The following MED13L variants were observed in gnomAD, a reference collection of about 807,000 sequenced individuals.
The protein encoded by MED13L is mediator complex subunit 13L.
MED13L carries 7 observed loss-of-function variants against 220.9 expected under a neutral mutation model. The ratio of observed to expected loss-of-function variants is 0.03; its 90% CI spans 0.02 to 0.06. The LOEUF (loss-of-function observed/expected upper bound fraction) is 0.06, where lower values mean the gene tolerates loss of function less well. MED13L is among the 10% of genes least tolerant of loss of function. MED13L has a pLI of 1.00. For synonymous variants in MED13L, 1,011 were observed against 1,015.2 expected (o/e 1.00, Z 0.08); for missense variants, 1,965 against 2,760.5 (o/e 0.71, Z 6.46).
intron 14 of MED13L, 99 bp downstream of exon 14, chr12:116,002,904 G>T: frequency 9.7e-7 from 1 of 1,034,970 alleles, no homozygotes; most frequent in Non-Finnish European, 1.5e-6. Flanking sequence ...AAAAGGAAGG[G>T]AAATTTCAGA....
intron 4 of MED13L, among the ~76,000 whole-genome samples, chr12:116,043,410 G>A (rs1450997049): frequency 1.3e-5 from 2 of 152,106 alleles, no homozygotes; most frequent in African/African-American, 2.4e-5. Context: ...ACTCCTCTCC[G>A]AATAATTTAG....
chr12:116,018,051 A>T (rs1379870875), intron 7 of MED13L, among the ~76,000 whole-genome samples: 1 of 152,028 alleles, frequency 6.6e-6, no homozygotes, highest in Non-Finnish European at 1.5e-5. Context: ...TGTGTGCTAA[A>T]CTTCGAGTTT....
At chr12:116,151,751 G>C (rs553437500) in intron 2 of MED13L, among the ~76,000 whole-genome samples, 57 of 152,232 alleles carry the variant, frequency 3.7e-4, no homozygotes, top group African/African-American at 1.3e-3. Flanking sequence ...CCTTCCTAAG[G>C]GTGAAAGTCA....
rs186723318 is a variant in MED13L at position 116,007,929 on chromosome 12, C to T, written c.2013-293G>A. The T allele has an allele frequency of 1.0e-3, 432 of 422,510 alleles. 2 individuals are homozygous for T. Among genetic ancestry groups the T allele is most frequent in the Middle Eastern group, 4.9e-3 (7 of 1,440 alleles). The allele number at this position is 422,510 out of a possible 1,614,324, so 26.2% of individuals were successfully genotyped here. A position where few individuals can be genotyped will look rare whatever the true frequency, so the allele number is the denominator to read the frequency against. On this transcript the variant is annotated intron_variant, in intron 10 of 30. Transcript: ENST00000281928. ...CCTAGTTTCTCAGTTATAAAATTAA[C>T]GTAATAATATGGTACAGTGAAGATT...
At chr12:116,200,747 A>C (rs771638325) in intron 2 of MED13L, among the ~76,000 whole-genome samples, 2 of 152,240 alleles carry the variant, frequency 1.3e-5, no homozygotes, top group African/African-American at 2.4e-5. Context: ...TTTAATCAAT[A>C]AATTTGAATT....
At chr12:116,146,731 G>C (rs888233974) in intron 2 of MED13L, among the ~76,000 whole-genome samples, 3 of 151,970 alleles carry the variant, frequency 2.0e-5, no homozygotes, top group African/African-American at 7.2e-5. Context: ...AGTTGAGCAT[G>C]GTGGTCCACA....
At chr12:116,006,160 G>A (rs1169621131) in intron 12 of MED13L, 146 bp downstream of exon 12, 3 of 1,271,446 alleles carry the variant, frequency 2.4e-6, no homozygotes, top group African/African-American at 3.0e-5. Context: ...AGTTTTGAAA[G>A]GAACTGAAAA....
At position 116,008,792 on chromosome 12, in the gene MED13L, T is replaced by A; in HGVS notation, c.1621A>T (p.Asn541Tyr). The A allele has an allele frequency of 6.2e-7, 1 of 1,614,022 alleles. No individual in the cohort carries two copies. Among genetic ancestry groups the A allele is most frequent in the East Asian group, 2.2e-5 (1 of 44,838 alleles). ...VPSRNTSKQM[N>Y]LNPMDSPHSP... ...TGAGGTGAATCCATAGGATTCAGAT[T>A]CATTTGCTTGCTTGTATTTCTGGAA... Residue 541 changes from asparagine to tyrosine, a missense_variant, in exon 10 of 31, where the codon AAT (asparagine) becomes TAT (tyrosine). Around this residue, in one of 10 missense-constraint regions of MED13L, gnomAD observed 818 missense variants for 1,041.2 expected, o/e 0.79. Transcript: ENST00000281928.
At chr12:116,092,215 T>A (rs1176254640) in intron 4 of MED13L, among the ~76,000 whole-genome samples, 1 of 152,200 alleles carries the variant, frequency 6.6e-6, no homozygotes, top group African/African-American at 2.4e-5. Context: ...TAGCTACTGA[T>A]CTCATTTTTC....
chr12:116,251,395 C>G (rs1194277584), intron 1 of MED13L, among the ~76,000 whole-genome samples: 1 of 133,558 alleles, frequency 7.5e-6, no homozygotes, highest in Non-Finnish European at 1.6e-5. Context: ...CTCCTGACCT[C>G]GTGATCCACC....
At chr12:116,274,966 A>G (rs956928691) in intron 1 of MED13L, among the ~76,000 whole-genome samples, 31 of 151,630 alleles carry the variant, frequency 2.0e-4, no homozygotes, top group African/African-American at 7.5e-4. Context: ...TTATCTCTGT[A>G]ACGTTATCAT....
intron 3 of MED13L, among the ~76,000 whole-genome samples, chr12:116,102,325 C>T (rs868196762): frequency 1.3e-5 from 2 of 152,214 alleles, no homozygotes; most frequent in African/African-American, 4.8e-5. Flanking sequence ...GAAGCCATTT[C>T]CCAGATGAGA....
intron 2 of MED13L, among the ~76,000 whole-genome samples, chr12:116,216,930 A>T (rs1288308249): frequency 6.6e-6 from 1 of 152,198 alleles, no homozygotes; most frequent in Non-Finnish European, 1.5e-5. Context: ...TATGGCAGCA[A>T]AGTTATTAAG....
At chr12:116,225,086 T>C (rs1406552012) in intron 2 of MED13L, among the ~76,000 whole-genome samples, 1 of 152,192 alleles carries the variant, frequency 6.6e-6, no homozygotes, top group East Asian at 1.9e-4. Context: ...TAATTCTAAA[T>C]GTGTGGGCAA....
chr12:116,213,661 C>T (rs1194096904), intron 2 of MED13L, among the ~76,000 whole-genome samples: 8 of 152,192 alleles, frequency 5.3e-5, no homozygotes, highest in Non-Finnish European at 1.2e-4. Context: ...GATCCACCCA[C>T]CTCGGACTCC....
At chr12:115,990,350 T>C (rs779049293) in intron 17 of MED13L, among the ~76,000 whole-genome samples, 1 of 152,234 alleles carries the variant, frequency 6.6e-6, no homozygotes. Context: ...TTAATTGATG[T>C]CCACTTCCAG....
intron 1 of MED13L, among the ~76,000 whole-genome samples, chr12:116,249,551 G>C (rs917894958): frequency 1.3e-5 from 2 of 151,874 alleles, no homozygotes; most frequent in African/African-American, 4.8e-5. Flanking sequence ...AAGTAATGAT[G>C]AAATTAACAG....
At chr12:116,004,930 C>A (rs1878959818) in intron 13 of MED13L, among the ~76,000 whole-genome samples, 1 of 152,180 alleles carries the variant, frequency 6.6e-6, no homozygotes. Flanking sequence ...TGTCCAGCAA[C>A]TTTAGATTCA....
chr12:116,226,048 C>G (rs1196940126), intron 2 of MED13L, among the ~76,000 whole-genome samples: 3 of 143,440 alleles, frequency 2.1e-5, no homozygotes, highest in African/African-American at 5.3e-5. Context: ...TCATCTTTAT[C>G]TAATTTTTAT....
Sources: allele counts gnomAD v4.1 joint callset (sites outside exome capture counted in the v4.1 genomes callset), GRCh38; gene constraint gnomAD v4.1.1; regional missense constraint gnomAD v4.1.1; transcripts MANE v1.5; gene names NCBI Gene and HGNC (gene_info 2026-07-23, HGNC 2026-07-21).